The following NCAM2 variants were observed in gnomAD, a reference collection of about 807,000 sequenced individuals.
NCAM2 encodes N-CAM-2.
Under a neutral mutation model 98.1 loss-of-function variants are expected in NCAM2, and 30 were observed. The ratio of observed to expected loss-of-function variants is 0.31; its 90% CI spans 0.23 to 0.41. The LOEUF is 0.41. NCAM2 is among the 10% of genes least tolerant of loss of function. The pLI is 1.00. For synonymous variants in NCAM2, 368 were observed against 342.4 expected (o/e 1.07, Z -0.83); for missense variants, 867 against 1,005.8 (o/e 0.86, Z 1.87).
At chr21:21,344,604 C>T (rs772317773) in intron 8 of NCAM2, among the ~76,000 whole-genome samples, 21 of 152,164 alleles carry the variant, frequency 1.4e-4, no homozygotes, top group Non-Finnish European at 8.8e-5. Context: ...CCAGATCAGC[C>T]ACAGTACCAT....
intron 2 of NCAM2, among the ~76,000 whole-genome samples, chr21:21,281,396 T>A (rs2072924657): frequency 6.6e-6 from 1 of 152,096 alleles, no homozygotes; most frequent in African/African-American, 2.4e-5. Flanking sequence ...AGGCCAAAAA[T>A]TTATTCTAAT....
intron 1 of NCAM2, among the ~76,000 whole-genome samples, chr21:21,260,534 G>T (rs970571490): frequency 6.8e-6 from 1 of 147,574 alleles, no homozygotes; most frequent in Non-Finnish European, 1.5e-5. Context: ...GGCCAGAAGA[G>T]ACTGGGGGCT....
At chr21:21,140,038 G>A (rs2067134069) in intron 1 of NCAM2, among the ~76,000 whole-genome samples, 1 of 152,064 alleles carries the variant, frequency 6.6e-6, no homozygotes, top group Admixed American at 6.6e-5. Context: ...TTGTCATGGT[G>A]GGTTCTAAGA....
rs181747810 is a variant in NCAM2 at position 21,373,267 on chromosome 21, G to T, written c.1045-596G>T. Among the ~76,000 whole-genome samples, 211 of 151,932 alleles carry T rather than the reference G, an allele frequency of 1.4e-3. 3 individuals are homozygous for T. The highest frequency in any genetic ancestry group is 3.4e-3 in the Middle Eastern group (1 of 294). On this transcript the variant is annotated intron_variant, in intron 8 of 17. Coordinates refer to ENST00000400546, the MANE Select transcript of NCAM2 (RefSeq NM_004540.5). ...GGGATGAAATCTGAAGTTCCAGCAA[G>T]ACTTTAGTAAAAGCAACTTATTCCA...
chr21:21,432,269 C>T lies in NCAM2; in HGVS notation c.1642C>T (p.His548Tyr), dbSNP rs752217247. The change falls in exon 12 of 18, where the codon CAT becomes TAT. Residue 548 changes from histidine to tyrosine, a missense_variant. Transcript: ENST00000400546. ...ASEIWKIVRS[H>Y]GVQTMVVLNN... ...AGAAATCTGGAAAATTGTACGCTCC[C>T]ATGGAGTTCAAAGTGAGTCAACAAT... 1.2e-6 allele frequency: 2 copies of T among 1,613,544 alleles called. No individual in the cohort carries two copies.
intron 1 of NCAM2, among the ~76,000 whole-genome samples, chr21:21,120,555 G>A (rs544760193): frequency 2.6e-5 from 4 of 152,176 alleles, no homozygotes; most frequent in South Asian, 4.1e-4. Flanking sequence ...GTTCACAGGC[G>A]GGGGACGCTG....
chr21:21,437,510 C>A (rs1204222507), intron 12 of NCAM2, among the ~76,000 whole-genome samples: 3 of 50,866 alleles, frequency 5.9e-5, no homozygotes, highest in Non-Finnish European at 1.2e-4. Flanking sequence ...GTTTCTAGCA[C>A]ACCCTTTTAT....
chr21:21,244,710 G>A (rs1281238150), intron 1 of NCAM2, among the ~76,000 whole-genome samples: 1 of 151,728 alleles, frequency 6.6e-6, no homozygotes, highest in Non-Finnish European at 1.5e-5. Context: ...AGCCGGGAGT[G>A]GTGGCAGGTG....
In NCAM2 at chr21:21,201,836, C is replaced by G. The variant is rs1231070093; in HGVS notation, c.56-78742C>G. On this transcript the variant is annotated intron_variant, in intron 1 of 17. Transcript: ENST00000400546. ...ATGGTCTCTGGACTTACAGCTTCAGCATCATCTGGGGAATTTTTAGAAATC... is the reference window on the plus strand; with the variant it reads ...ATGGTCTCTGGACTTACAGCTTCAGGATCATCTGGGGAATTTTTAGAAATC... Among the ~76,000 whole-genome samples the G allele has an allele frequency of 2.0e-5, 3 of 152,148 alleles. 1 individual carries two copies. The highest frequency in any genetic ancestry group is 6.3e-3 in the Middle Eastern group (2 of 316).
chr21:21,464,159 A>G (rs1354766247), intron 12 of NCAM2, among the ~76,000 whole-genome samples: 5 of 152,154 alleles, frequency 3.3e-5, no homozygotes, highest in Admixed American at 2.6e-4. Flanking sequence ...CAGCCAAGTC[A>G]CAGACTACTG....
intron 1 of NCAM2, among the ~76,000 whole-genome samples, chr21:21,223,990 C>T (rs1289018355): frequency 6.6e-6 from 1 of 152,228 alleles, no homozygotes; most frequent in Admixed American, 6.5e-5. Flanking sequence ...CAGTGCATGG[C>T]AAGGTGGGGA....
chr21:21,035,654 C>G (rs2146240400), intron 1 of NCAM2, among the ~76,000 whole-genome samples: 1 of 152,132 alleles, frequency 6.6e-6, no homozygotes, highest in East Asian at 1.9e-4. Flanking sequence ...TCTTGAAATT[C>G]TTACCCAGCT....
intron 15 of NCAM2, among the ~76,000 whole-genome samples, chr21:21,487,457 G>A (rs372835423): frequency 1.3e-5 from 2 of 152,072 alleles, no homozygotes; most frequent in South Asian, 4.1e-4. Context: ...ATTTGAGCTT[G>A]TGTGTTGAGT....
chr21:21,381,766 T>TAA (rs1252718431), intron 9 of NCAM2, among the ~76,000 whole-genome samples: 1 of 152,144 alleles, frequency 6.6e-6, no homozygotes, highest in Non-Finnish European at 1.5e-5. Context: ...TTTAAAGAAC[T>TAA]AAAAAAATAT....
In NCAM2 at chr21:21,450,263, G is replaced by GTA. The variant is rs761888642; in HGVS notation, c.1655-16334_1655-16333dup. ...TATATATGTATATGTATGTATGTGT[G>GTA]TATATATATACTATTTTAATATATG... is the stretch of plus-strand genomic sequence containing the variant. On this transcript the variant is annotated intron_variant, in intron 12 of 17. Transcript: ENST00000400546. Among the ~76,000 whole-genome samples, 6 of 151,826 alleles carry GTA rather than the reference G, an allele frequency of 4.0e-5. 1 individual carries two copies. In the South Asian group the frequency reaches 1.0e-3, roughly 26 times the overall value.
chr21:21,530,151 A>C (rs999200513), intron 16 of NCAM2, among the ~76,000 whole-genome samples: 1 of 142,442 alleles, frequency 7.0e-6, no homozygotes, highest in African/African-American at 2.5e-5. Flanking sequence ...TAATTTAATT[A>C]TATATGATTT....
intron 8 of NCAM2, among the ~76,000 whole-genome samples, chr21:21,341,332 A>G (rs553447193): frequency 1.3e-5 from 2 of 152,228 alleles, no homozygotes; most frequent in Admixed American, 1.3e-4. Flanking sequence ...TATGCAGCCC[A>G]GGGCATAGGA....
At chr21:21,117,102 T>C (rs990013432) in intron 1 of NCAM2, among the ~76,000 whole-genome samples, 4 of 152,212 alleles carry the variant, frequency 2.6e-5, no homozygotes, top group African/African-American at 9.6e-5. Flanking sequence ...CTACATATAA[T>C]GAGCATCACA....
intron 9 of NCAM2, among the ~76,000 whole-genome samples, chr21:21,407,794 A>G (rs2076772806): frequency 6.6e-6 from 1 of 152,248 alleles, no homozygotes. Context: ...TCCAAGAAAT[A>G]GTATAATGCT....
Sources: gnomAD v4.1 joint callset for allele counts (sites outside exome capture counted in the v4.1 genomes callset) on GRCh38, gnomAD v4.1.1 for gene constraint, MANE v1.5 for transcripts, NCBI Gene and HGNC (gene_info 2026-07-23, HGNC 2026-07-21) for gene names.